KRT23: variants seen among roughly 807,000 people sequenced by gnomAD.
KRT23 encodes the protein keratin, type I cytoskeletal 23.
Under a neutral mutation model 47.6 loss-of-function variants are expected in KRT23, and 38 were observed. That is an observed-to-expected ratio of 0.80 (90% CI 0.62 to 1.05). The LOEUF is 1.05. KRT23 is among the 50% of genes least tolerant of loss of function. The pLI is 0.00. For synonymous variants in KRT23, 191 were observed against 199.0 expected (o/e 0.96, Z 0.34); for missense variants, 503 against 529.5 (o/e 0.95, Z 0.49).
chr17:40,925,072 C>A, intron 7 of KRT23: 1 of 424,566 alleles, frequency 2.4e-6, no homozygotes. Flanking sequence ...AAATTGTGTG[C>A]ATTCCTACTG....
At chr17:40,923,108 T>C (rs1448037714) in intron 8 of KRT23, 25 bp from the exon 9 acceptor site, 1 of 1,497,096 alleles carries the variant, frequency 6.7e-7, no homozygotes, top group East Asian at 2.3e-5. Context: ...ATGGAAGATG[T>C]CACTGCCATG....
intron 3 of KRT23, 107 bp downstream of exon 3, chr17:40,931,266 T>G (rs1387496459): frequency 1.3e-6 from 1 of 773,388 alleles, no homozygotes; most frequent in African/African-American, 1.7e-5. Flanking sequence ...CGCCTTGGCC[T>G]CCCAAAGTGC....
At chr17:40,926,194 AAT>A (rs1315971411) in intron 6 of KRT23, among the ~76,000 whole-genome samples, 1 of 152,118 alleles carries the variant, frequency 6.6e-6, no homozygotes, top group Non-Finnish European at 1.5e-5. Flanking sequence ...TCTGGGCTAG[AAT>A]ATGGAGGATT....
intron 3 of KRT23, 138 bp from the exon 4 acceptor site, chr17:40,930,234 T>C: frequency 2.9e-6 from 2 of 688,388 alleles, no homozygotes; most frequent in Non-Finnish European, 4.7e-6. Flanking sequence ...GATGTCTTTT[T>C]TATGCCAGTT....
At chr17:40,931,301 C>T (rs545522699) in intron 3 of KRT23, 72 bp downstream of exon 3, 16 of 1,143,924 alleles carry the variant, frequency 1.4e-5, no homozygotes, top group Admixed American at 5.1e-5. Context: ...TGAGCCACCG[C>T]GCCCCGCCGA....
intron 7 of KRT23, 86 bp from the exon 8 acceptor site, chr17:40,924,589 G>T (rs1909112556): frequency 1.9e-6 from 2 of 1,052,748 alleles, no homozygotes; most frequent in Non-Finnish European, 2.9e-6. Flanking sequence ...TCCTTCGCTT[G>T]CTTGTAAATC....
intron 2 of KRT23, among the ~76,000 whole-genome samples, chr17:40,933,709 C>T (rs1477390690): frequency 6.6e-6 from 1 of 152,128 alleles, no homozygotes; most frequent in Non-Finnish European, 1.5e-5. Flanking sequence ...AAACTATTTC[C>T]CATTATTCAG....
Position 40,932,115 on chromosome 17 carries a change from T to C in KRT23, c.397-660A>G, listed in dbSNP as rs192234500. Reference sequence around the variant, plus strand: ...GCCCGAAGTGACTGTAACTTGAAGGTGTGTTTATGTCATTGCAACTTATTC... The same window carrying C: ...GCCCGAAGTGACTGTAACTTGAAGGCGTGTTTATGTCATTGCAACTTATTC... On this transcript the variant is annotated intron_variant, in intron 2 of 8. Coordinates refer to ENST00000209718, the MANE Select transcript of KRT23 (RefSeq NM_015515.5). Among the ~76,000 whole-genome samples the C allele has an allele frequency of 2.6e-5, 4 of 152,212 alleles. No homozygotes were observed. In the East Asian group the frequency reaches 7.7e-4, roughly 29 times the overall value.
At chr17:40,927,146 G>T (rs1241912503) in intron 6 of KRT23, among the ~76,000 whole-genome samples, 1 of 152,112 alleles carries the variant, frequency 6.6e-6, no homozygotes, top group Non-Finnish European at 1.5e-5. Flanking sequence ...TGGTGCATCT[G>T]CCCTCCTCCT....
intron 3 of KRT23, 141 bp from the exon 4 acceptor site, chr17:40,930,237 T>A: frequency 2.9e-6 from 2 of 686,380 alleles, no homozygotes; most frequent in Non-Finnish European, 4.8e-6. Context: ...GTCTTTTTTA[T>A]GCCAGTTTCA....
chr17:40,933,191 C>T (rs1158243883), intron 2 of KRT23, among the ~76,000 whole-genome samples: 1 of 152,212 alleles, frequency 6.6e-6, no homozygotes, highest in Non-Finnish European at 1.5e-5. Flanking sequence ...GATGCCTGCT[C>T]AGACTTTTGC....
chr17:40,928,721 T>C, intron 4 of KRT23, 114 bp from the exon 5 acceptor site: 1 of 941,146 alleles, frequency 1.1e-6, no homozygotes, highest in Non-Finnish European at 1.6e-6. Flanking sequence ...ATGTGGTTGC[T>C]CCCACTGTCA....
chr17:40,936,472 G>A lies in KRT23; in HGVS notation c.132C>T (p.Ser44=), dbSNP rs1337171095. 17 of 1,581,858 alleles carry A rather than the reference G, an allele frequency of 1.1e-5. No homozygotes were observed. The Admixed American group carries it at 3.0e-4, about 28-fold the overall frequency. ...VHGGAGGARI[S]LSFTTRSCPP... is the part of the protein sequence containing the mutation. ...GGCAGCTCCGCGTGGTGAAGGACAG[G>A]GAGATGCGGGCTCCCCCCGCACCGC... The change falls in exon 2 of 9, where the codon TCC becomes TCT. Residue 44 remains serine, a synonymous_variant. Coordinates refer to ENST00000209718, the MANE Select transcript of KRT23 (RefSeq NM_015515.5).
In KRT23 at chr17:40,923,043, G is replaced by A. The variant is rs755118437; in HGVS notation, c.1215C>T (p.Thr405=). The A allele has an allele frequency of 3.7e-6, 6 of 1,613,896 alleles. No individual in the cohort carries two copies. Among genetic ancestry groups the A allele is most frequent in the Non-Finnish European group, 5.1e-6 (6 of 1,179,922 alleles). Residue 405 remains threonine (T), a synonymous_variant, in exon 9 of 9, where the codon ACC becomes ACT. Transcript: ENST00000209718. ...GACAAAGAACTAATCTTCCGTTGAT[G>A]GTCTCCTGGGTTATGGCCTTGATCT... is the stretch of plus-strand genomic sequence containing the variant. The part of the protein sequence containing the change: ...TPKIKAITQE[T]INGRLVLCQV...
chr17:40,928,109 A>G lies in KRT23; in HGVS notation c.921+129T>C, dbSNP rs78866996. On this transcript the variant is annotated intron_variant, in intron 6 of 8. Coordinates refer to ENST00000209718, the MANE Select transcript of KRT23 (RefSeq NM_015515.5). ...CTTTATTATGGTTCTCATCATAAAC[A>G]ATTTGGATGGAAAGTGGAAAGTGAG... The G allele has an allele frequency of 2.0e-3, 2,393 of 1,180,938 alleles. 30 individuals carry two copies. In the African/African-American group the frequency reaches 0.028, roughly 14 times the overall value. 73.2% of individuals were successfully genotyped at this position (1,180,938 alleles called of 1,614,324 possible).
intron 3 of KRT23, among the ~76,000 whole-genome samples, chr17:40,930,536 C>T (rs980976197): frequency 3.3e-5 from 5 of 152,018 alleles, no homozygotes; most frequent in Non-Finnish European, 5.9e-5. Context: ...GAGGCTGAGG[C>T]GGGCGGATCA....
intron 8 of KRT23, 151 bp downstream of exon 8, chr17:40,924,321 A>G (rs777024782): frequency 5.4e-5 from 33 of 609,086 alleles, no homozygotes; most frequent in Admixed American, 8.5e-5. Flanking sequence ...ATCATTTTGT[A>G]TTAGCTAATT....
At chr17:40,923,952 AACTTTTGTTGTTTCT>A (rs1909075799) in intron 8 of KRT23, among the ~76,000 whole-genome samples, 1 of 152,240 alleles carries the variant, frequency 6.6e-6, no homozygotes, top group Admixed American at 6.5e-5. Flanking sequence ...AACAAAGTTA[AACTTTTGTTGTTTCT>A]ACCTCTTTCT....
In KRT23 at chr17:40,936,212, T is replaced by A. The variant is rs1161669419; in HGVS notation, c.392A>T (p.Glu131Val). The A allele has an allele frequency of 1.9e-6, 3 of 1,614,138 alleles. No individual in the cohort carries two copies. In the Admixed American group the frequency reaches 5.0e-5, roughly 27 times the overall value. The stretch of plus-strand genomic sequence containing the variant: ...CAGGGTCACCCAGCATCTTACCTGC[T>A]CCTGCAGGTGTGTGATGTTTTCCTC... ...QYEENITHLQ[E>V]QIVDGKMTNA... Residue 131 changes from glutamate to valine, a missense_variant, in exon 2 of 9, where the codon GAG becomes GTG. By Grantham distance (121) the Glu-to-Val change is moderately radical. Coordinates refer to ENST00000209718, the MANE Select transcript of KRT23 (RefSeq NM_015515.5).
Sources: allele counts gnomAD v4.1 joint callset (sites outside exome capture counted in the v4.1 genomes callset), GRCh38; gene constraint gnomAD v4.1.1; transcripts MANE v1.5; gene names NCBI Gene and HGNC (gene_info 2026-07-23, HGNC 2026-07-21).